STYK1: variants seen among roughly 807,000 people sequenced by gnomAD.
STYK1 encodes the protein tyrosine-protein kinase STYK1.
A neutral mutation model predicts 48.1 loss-of-function variants in STYK1; 46 were observed. That is an observed-to-expected ratio of 0.96 (90% CI 0.75 to 1.22). The LOEUF is 1.22. Ranked by LOEUF, STYK1 falls within the 50% of genes most tolerant of loss-of-function variation. The pLI is 0.00. For missense variants in STYK1, 527 were observed against 521.1 expected, an observed-to-expected ratio of 1.01 and a Z score of -0.11; for synonymous variants, 188 against 189.0, an observed-to-expected ratio of 0.99 and a Z score of 0.04.
Position 10,619,786 on chromosome 12 carries a change from C to T in STYK1, c.*358G>A, listed in dbSNP as rs1304359489. 8 of 397,110 alleles carry T rather than the reference C, an allele frequency of 2.0e-5. No individual in the cohort carries two copies. The highest frequency in any genetic ancestry group is 1.6e-4 in the African/African-American group (8 of 48,622). The allele number at this position is 397,110 out of a possible 1,614,324, so 24.6% of individuals were successfully genotyped here. A position where few individuals can be genotyped will look rare whatever the true frequency, so the allele number is the denominator to read the frequency against. ...CCTTCATTTCATTCCAAATTTTCATCTAGATAAAAATGTGGTTCCAGAGGA... is the reference window on the plus strand; with the variant it reads ...CCTTCATTTCATTCCAAATTTTCATTTAGATAAAAATGTGGTTCCAGAGGA... On this transcript the variant is annotated 3_prime_UTR_variant, in exon 11 of 11. Coordinates refer to ENST00000075503, the MANE Select transcript of STYK1 (RefSeq NM_018423.3).
intron 1 of STYK1, among the ~76,000 whole-genome samples, chr12:10,653,549 A>G (rs1323465890): frequency 6.6e-6 from 1 of 152,212 alleles, no homozygotes; most frequent in Non-Finnish European, 1.5e-5. Context: ...GAAAAGGTGG[A>G]TAAGAGTTTT....
At chr12:10,668,251 A>G (rs922507820) in intron 1 of STYK1, among the ~76,000 whole-genome samples, 1 of 152,154 alleles carries the variant, frequency 6.6e-6, no homozygotes, top group African/African-American at 2.4e-5. Context: ...CTGTTTGCTC[A>G]CAAAGAGAGA....
At chr12:10,643,473 C>T (rs1353821526) in intron 1 of STYK1, among the ~76,000 whole-genome samples, 1 of 152,238 alleles carries the variant, frequency 6.6e-6, no homozygotes, top group African/African-American at 2.4e-5. Flanking sequence ...CAAGACAGCT[C>T]TACTTCTTCC....
rs1416848981 is a variant in STYK1 at position 10,634,662 on chromosome 12, C to A, written c.-44G>T. On this transcript the variant is annotated 5_prime_UTR_variant, in exon 3 of 11. Transcript: ENST00000075503. ...TTCCCTGCTAGGCCCACAGAGAATG[C>A]ACACAGCACAGCTGTGAGTAATTCC... 5.0e-6 allele frequency: 8 copies of A among 1,610,680 alleles called. No individual in the cohort carries two copies. Among genetic ancestry groups the A allele is most frequent in the Non-Finnish European group, 6.8e-6 (8 of 1,177,210 alleles).
chr12:10,650,206 G>A (rs1031693121), intron 1 of STYK1, among the ~76,000 whole-genome samples: 16 of 151,292 alleles, frequency 1.1e-4, no homozygotes, highest in African/African-American at 3.6e-4. Flanking sequence ...GCCGACCTGG[G>A]AGAAAGCCAA....
rs757923769 is a variant in STYK1, at chr12:10,621,872, T to C, written c.1064+4A>G. On this transcript the variant is annotated splice_donor_region_variant and intron_variant, in intron 10 of 10. Coordinates refer to ENST00000075503, the MANE Select transcript of STYK1 (RefSeq NM_018423.3). ...AGAGGAGCAGGCCTTTAAAAACCAC[T>C]TACATGGTATGTGTGCAGCTACTGG... 8 of 1,613,298 alleles carry C rather than the reference T, an allele frequency of 5.0e-6. No homozygotes were observed. The African/African-American group carries it at 1.1e-4, about 22-fold the overall frequency.
At chr12:10,620,630 G>T (rs985010432) in intron 10 of STYK1, among the ~76,000 whole-genome samples, 1 of 152,156 alleles carries the variant, frequency 6.6e-6, no homozygotes, top group African/African-American at 2.4e-5. Context: ...CATATTGTTT[G>T]CTGTAACGTT....
At chr12:10,624,621 G>T (rs1437591338) in intron 8 of STYK1, 30 bp downstream of exon 8, 1 of 1,604,430 alleles carries the variant, frequency 6.2e-7, no homozygotes, top group Non-Finnish European at 8.5e-7. Flanking sequence ...CATGAAGAAA[G>T]TAAACTCAGA....
intron 10 of STYK1, among the ~76,000 whole-genome samples, chr12:10,620,772 C>A (rs1865895254): frequency 6.6e-6 from 1 of 152,116 alleles, no homozygotes; most frequent in Admixed American, 6.5e-5. Context: ...TTTCAGATAT[C>A]TCCTCATCAA....
At chr12:10,641,894 CCTGA>C (rs1947549367) in intron 1 of STYK1, among the ~76,000 whole-genome samples, 1 of 152,112 alleles carries the variant, frequency 6.6e-6, no homozygotes, top group Admixed American at 6.6e-5. Flanking sequence ...TGGAGTCAGC[CCTGA>C]CTTAGTGCTG....
chr12:10,654,507 C>T (rs557516803), intron 1 of STYK1, among the ~76,000 whole-genome samples: 1 of 152,066 alleles, frequency 6.6e-6, no homozygotes, highest in Non-Finnish European at 1.5e-5. Context: ...ATCCTATGGA[C>T]CCAAAGGAAA....
intron 3 of STYK1, 21 bp downstream of exon 3, chr12:10,634,546 A>C (rs755897650): frequency 6.2e-7 from 1 of 1,610,948 alleles, no homozygotes; most frequent in South Asian, 1.1e-5. Flanking sequence ...GAGGATAGAC[A>C]TCTGTGGAAT....
At chr12:10,626,550 A>G (rs1482363556) in intron 7 of STYK1, among the ~76,000 whole-genome samples, 1 of 152,224 alleles carries the variant, frequency 6.6e-6, no homozygotes, top group Non-Finnish European at 1.5e-5. Flanking sequence ...CAAATACTTA[A>G]AACAGTAGCT....
chr12:10,641,576 T>C (rs1947545303), intron 1 of STYK1, among the ~76,000 whole-genome samples: 1 of 152,196 alleles, frequency 6.6e-6, no homozygotes, highest in Non-Finnish European at 1.5e-5. Flanking sequence ...ACACACTTTC[T>C]CATTCTCTGA....
Position 10,634,620 on chromosome 12 carries a change from G to T in STYK1, c.-2C>A. On this transcript the variant is annotated 5_prime_UTR_variant, in exon 3 of 11. Transcript: ENST00000075503. ...CAGGAGCATCCGTGTCATGCCCATT[G>T]CCACAGGGCTGTCCCCTTCCCTGCT... 1 of 1,614,060 alleles carries T rather than the reference G, an allele frequency of 6.2e-7. No homozygotes were observed. The highest frequency in any genetic ancestry group is 8.5e-7 in the Non-Finnish European group (1 of 1,179,998).
intron 6 of STYK1, among the ~76,000 whole-genome samples, 197 bp from the exon 7 acceptor site, chr12:10,627,921 A>G (rs759690707): frequency 2.2e-4 from 33 of 152,360 alleles, no homozygotes; most frequent in Non-Finnish European, 3.7e-4. Context: ...TGGAAAAACA[A>G]TGACAGACAT....
intron 7 of STYK1, among the ~76,000 whole-genome samples, chr12:10,626,781 C>T (rs1049341950): frequency 1.4e-4 from 22 of 152,056 alleles, no homozygotes; most frequent in Admixed American, 1.3e-3. Context: ...CCGAGGCGCG[C>T]GGATCACGAG....
intron 1 of STYK1, among the ~76,000 whole-genome samples, chr12:10,664,653 T>C (rs951391830): frequency 1.3e-5 from 2 of 152,214 alleles, no homozygotes; most frequent in Non-Finnish European, 2.9e-5. Flanking sequence ...CATACTTTTA[T>C]GACCTTAGTT....
intron 7 of STYK1, 91 bp downstream of exon 7, chr12:10,627,550 A>G (rs1947372141): frequency 1.7e-6 from 2 of 1,188,248 alleles, no homozygotes; most frequent in African/African-American, 1.6e-5. Flanking sequence ...CATACACACC[A>G]CTTGAGAATA....
Sources: gnomAD v4.1 joint callset for allele counts (sites outside exome capture counted in the v4.1 genomes callset) on GRCh38, gnomAD v4.1.1 for gene constraint, MANE v1.5 for transcripts, NCBI Gene and HGNC (gene_info 2026-07-23, HGNC 2026-07-21) for gene names.